Variants in ZFR observed in about 807,000 individuals in gnomAD.
ZFR encodes zinc finger RNA-binding protein.
A neutral mutation model predicts 130.7 loss-of-function variants in ZFR; 19 were observed. The observed-to-expected ratio is 0.15, with a 90% CI of 0.10 to 0.21. The LOEUF is 0.21. Ranked by LOEUF, ZFR falls within the 10% of genes least tolerant of loss-of-function variation. The probability of loss-of-function intolerance (pLI) is 1.00; values close to 1 mark genes in which losing one functional copy is unlikely to be tolerated. For synonymous variants in ZFR, 466 were observed against 456.9 expected, an observed-to-expected ratio of 1.02 and a Z score of -0.25; for missense variants, 872 against 1,321.5, an observed-to-expected ratio of 0.66 and a Z score of 5.27.
At chr5:32,422,798 CAAAAA>C (rs10693151) in intron 2 of ZFR, among the ~76,000 whole-genome samples, 13 of 24,008 alleles carry the variant, frequency 5.4e-4, no homozygotes, top group East Asian at 3.4e-3. Flanking sequence ...AAACCTGTCT[CAAAAA>C]AAAAAAAAAA....
intron 2 of ZFR, among the ~76,000 whole-genome samples, chr5:32,429,883 A>C (rs948577469): frequency 2.0e-5 from 3 of 152,038 alleles, no homozygotes; most frequent in African/African-American, 7.2e-5. Context: ...AGGCTGGGTA[A>C]TAAAGGGAGG....
Position 32,382,398 on chromosome 5 carries a change from CTCTT to C in ZFR, c.2642-2230_2642-2227del, listed in dbSNP as rs552262442. ...GCAGTATTATAACATGCTAAAGAAC[CTCTT>C]TCTATGTCCCTTATTTACTTACATT... On this transcript the variant is annotated intron_variant, in intron 15 of 19. Transcript: ENST00000265069. Among the ~76,000 whole-genome samples, 109 of 152,236 alleles carry C rather than the reference CTCTT, an allele frequency of 7.2e-4. 1 individual carries two copies. The highest frequency in any genetic ancestry group is 2.1e-3 in the African/African-American group (86 of 41,554).
At chr5:32,427,657 A>G (rs900925414) in intron 2 of ZFR, among the ~76,000 whole-genome samples, 6 of 152,158 alleles carry the variant, frequency 3.9e-5, no homozygotes, top group African/African-American at 1.4e-4. Flanking sequence ...TTCCTGTGGA[A>G]TCTCAAGAGA....
intron 15 of ZFR, among the ~76,000 whole-genome samples, chr5:32,380,807 C>T (rs1016818320): frequency 6.6e-6 from 1 of 151,762 alleles, no homozygotes; most frequent in African/African-American, 2.4e-5. Context: ...CACCACCACA[C>T]CAGGCTAATT....
rs140707384 is a variant in ZFR at position 32,438,339 on chromosome 5, C to T, written c.137+5890G>A. Reference sequence around the variant, plus strand: ...AGTGCAATGGCGCGATCTTGGCTCACCGCAACCTCCACCTCCTGGATTCAA... The same window carrying T: ...AGTGCAATGGCGCGATCTTGGCTCATCGCAACCTCCACCTCCTGGATTCAA... On this transcript the variant is annotated intron_variant, in intron 2 of 19. Coordinates refer to ENST00000265069, the MANE Select transcript of ZFR (RefSeq NM_016107.5). Among the ~76,000 whole-genome samples the T allele has an allele frequency of 7.2e-3, 1,036 of 143,466 alleles. 15 individuals are homozygous for T. Among genetic ancestry groups the T allele is most frequent in the African/African-American group, 0.025 (985 of 39,464 alleles). The allele number at this position is 143,466 out of a possible 152,430, so 94.1% of individuals were successfully genotyped here.
intron 3 of ZFR, among the ~76,000 whole-genome samples, chr5:32,419,270 G>A (rs34266463): frequency 0.12 from 18,570 of 152,142 alleles, 1,214 homozygotes; most frequent in African/African-American, 0.15. Context: ...TTAACAGACA[G>A]CTATAAATAA....
intron 19 of ZFR, among the ~76,000 whole-genome samples, chr5:32,356,670 C>T (rs550699035): frequency 2.0e-5 from 3 of 152,166 alleles, no homozygotes; most frequent in South Asian, 2.1e-4. Context: ...CCGCCCGCCT[C>T]GGCCTCCCAA....
rs111378202 is a variant in ZFR, at chr5:32,442,149, A to G, written c.137+2080T>C. On this transcript the variant is annotated intron_variant, in intron 2 of 19. Coordinates refer to ENST00000265069, the MANE Select transcript of ZFR (RefSeq NM_016107.5). ...AAGAACCCACCACTTTACAGTAAATAAAGTTAGTAATTCAACAAATCTTAT... is the reference window on the plus strand; with the variant it reads ...AAGAACCCACCACTTTACAGTAAATGAAGTTAGTAATTCAACAAATCTTAT... 7.0e-3 allele frequency among the ~76,000 whole-genome samples: 1,063 copies of G among 152,344 alleles called. 11 individuals are homozygous for G. Among genetic ancestry groups the G allele is most frequent in the African/African-American group, 0.024 (1,016 of 41,574 alleles).
intron 5 of ZFR, among the ~76,000 whole-genome samples, chr5:32,409,333 T>C (rs1260412170): frequency 6.6e-6 from 1 of 152,226 alleles, no homozygotes; most frequent in Non-Finnish European, 1.5e-5. Flanking sequence ...ATCTCTGGAT[T>C]ACTTACAATA....
At chr5:32,408,722 T>C (rs1291298939) in intron 5 of ZFR, among the ~76,000 whole-genome samples, 1 of 152,250 alleles carries the variant, frequency 6.6e-6, no homozygotes, top group East Asian at 1.9e-4. Context: ...TATAGAAATT[T>C]TGTTTTAAGC....
chr5:32,417,112 G>GTC (rs112408001), intron 4 of ZFR, among the ~76,000 whole-genome samples: 28,809 of 123,752 alleles, frequency 0.23, 3,717 homozygotes, highest in African/African-American at 0.38. Flanking sequence ...AAATTATCAA[G>GTC]TCTCTCTCTA....
At chr5:32,377,241 CTCTT>C (rs1181287255) in intron 17 of ZFR, among the ~76,000 whole-genome samples, 19 of 151,420 alleles carry the variant, frequency 1.3e-4, no homozygotes, top group African/African-American at 2.9e-4. Flanking sequence ...TCTCCTCTCT[CTCTT>C]TCTTTCGAGA....
At chr5:32,403,700 A>AAAAC in intron 7 of ZFR, among the ~76,000 whole-genome samples, 1 of 152,378 alleles carries the variant, frequency 6.6e-6, no homozygotes, top group East Asian at 1.9e-4. Flanking sequence ...TAAATGGTTT[A>AAAAC]GTTCAATTTA....
chr5:32,409,278 T>C (rs749051382), intron 5 of ZFR, among the ~76,000 whole-genome samples: 8 of 152,202 alleles, frequency 5.3e-5, no homozygotes, highest in Non-Finnish European at 1.2e-4. Flanking sequence ...ATAAGTAAAA[T>C]CCACAGCTTT....
chr5:32,387,719 T>C lies in ZFR; in HGVS notation c.2349-20A>G. 1 of 1,592,098 alleles carries C rather than the reference T, an allele frequency of 6.3e-7. No individual in the cohort carries two copies. The highest frequency in any genetic ancestry group is 8.6e-7 in the Non-Finnish European group (1 of 1,167,528). ...AAAGCTCTGCAGTAAAATAAAATTA[T>C]ATTATGATATTTCTCTGCTTAACCA... is the stretch of plus-strand genomic sequence containing the variant. On this transcript the variant is annotated intron_variant, in intron 13 of 19. Coordinates refer to ENST00000265069, the MANE Select transcript of ZFR (RefSeq NM_016107.5).
intron 10 of ZFR, among the ~76,000 whole-genome samples, chr5:32,396,782 C>G (rs1753324415): frequency 6.6e-6 from 1 of 151,988 alleles, no homozygotes; most frequent in Non-Finnish European, 1.5e-5. Context: ...TCTGATTTAT[C>G]TTAACATTTG....
At chr5:32,401,707 C>G (rs971047001) in intron 8 of ZFR, among the ~76,000 whole-genome samples, 7 of 151,906 alleles carry the variant, frequency 4.6e-5, no homozygotes, top group African/African-American at 1.5e-4. Flanking sequence ...GGCTGCTGAG[C>G]AGAAGACTAA....
chr5:32,378,266 G>A (rs965534061), intron 17 of ZFR, among the ~76,000 whole-genome samples: 3 of 152,280 alleles, frequency 2.0e-5, no homozygotes, highest in Middle Eastern at 3.4e-3. Flanking sequence ...TCAAATGAAT[G>A]TAAGTTAAAT....
intron 2 of ZFR, among the ~76,000 whole-genome samples, chr5:32,428,975 CTTTTTTTTTTT>C (rs576959110): frequency 1.6e-4 from 15 of 91,200 alleles, no homozygotes; most frequent in Admixed American, 3.7e-4. Context: ...CTTCTTACAT[CTTTTTTTTTTT>C]TTTTTTTTTT....
Sources: gnomAD v4.1 joint callset for allele counts (sites outside exome capture counted in the v4.1 genomes callset) on GRCh38, gnomAD v4.1.1 for gene constraint, MANE v1.5 for transcripts, NCBI Gene and HGNC (gene_info 2026-07-23, HGNC 2026-07-21) for gene names.